MTMR12: variants seen among roughly 807,000 people sequenced by gnomAD.
MTMR12 encodes the protein myotubularin-related protein 12.
A neutral mutation model predicts 96.7 loss-of-function variants in MTMR12; 33 were observed. That is an observed-to-expected ratio of 0.34 (90% confidence interval 0.26 to 0.46). The LOEUF is 0.46. Among genes scored for constraint, MTMR12 ranks in the 20% least tolerant of loss-of-function variants. The probability of loss-of-function intolerance (pLI) is 1.00; values close to 1 mark genes in which losing one functional copy is unlikely to be tolerated. For missense variants in MTMR12, 721 were observed against 896.1 expected (o/e 0.80, Z 2.49); for synonymous variants, 298 against 327.2 (o/e 0.91, Z 0.96).
chr5:32,261,156 C>T (rs1749348403), intron 7 of MTMR12, among the ~76,000 whole-genome samples: 1 of 151,660 alleles, frequency 6.6e-6, no homozygotes, highest in African/African-American at 2.4e-5. Context: ...TCACTTGAAC[C>T]CAGGAGGCAG....
At chr5:32,241,893 CTG>C (rs1265649618) in intron 12 of MTMR12, among the ~76,000 whole-genome samples, 162 bp downstream of exon 12, 1 of 152,154 alleles carries the variant, frequency 6.6e-6, no homozygotes, top group East Asian at 1.9e-4. Context: ...AACTCTAACA[CTG>C]AAATCCAAGG....
chr5:32,261,241 A>C (rs1749351514), intron 7 of MTMR12, among the ~76,000 whole-genome samples: 1 of 152,054 alleles, frequency 6.6e-6, no homozygotes. Flanking sequence ...TCAAAAAAAC[A>C]TGTAGGTCAG....
chr5:32,282,173 G>C (rs1053660910), intron 1 of MTMR12, among the ~76,000 whole-genome samples: 2 of 152,072 alleles, frequency 1.3e-5, no homozygotes, highest in African/African-American at 4.8e-5. Flanking sequence ...ACGAGGTCAG[G>C]AGATCGAGAT....
intron 1 of MTMR12, among the ~76,000 whole-genome samples, chr5:32,287,353 G>A (rs1750575570): frequency 6.6e-6 from 1 of 152,164 alleles, no homozygotes; most frequent in Non-Finnish European, 1.5e-5. Context: ...GAAAAGGTGA[G>A]ACTGGCCTAG....
chr5:32,284,698 C>A (rs975968297), intron 1 of MTMR12, among the ~76,000 whole-genome samples: 5 of 152,106 alleles, frequency 3.3e-5, no homozygotes, highest in Non-Finnish European at 1.5e-5. Flanking sequence ...ATGTTGACAA[C>A]CTTACTTCTG....
At chr5:32,310,906 C>T (rs1271008425) in intron 1 of MTMR12, among the ~76,000 whole-genome samples, 2 of 150,382 alleles carry the variant, frequency 1.3e-5, no homozygotes, top group Non-Finnish European at 2.9e-5. Context: ...TGGAGTCTCG[C>T]TCTGTCGCCC....
At chr5:32,281,254 AAAAAAAAAAAC>A (rs1309343050) in intron 1 of MTMR12, among the ~76,000 whole-genome samples, 4 of 150,080 alleles carry the variant, frequency 2.7e-5, no homozygotes, top group East Asian at 2.0e-4. Context: ...TCATTAAAAA[AAAAAAAAAAAC>A]AAAAAAAACT....
intron 1 of MTMR12, among the ~76,000 whole-genome samples, chr5:32,291,947 T>C (rs952508437): frequency 2.0e-5 from 3 of 152,174 alleles, no homozygotes; most frequent in African/African-American, 4.8e-5. Flanking sequence ...CTGCACACAA[T>C]GCTTCTGCCA....
chr5:32,251,893 G>A (rs958200965), intron 8 of MTMR12, among the ~76,000 whole-genome samples: 8 of 152,064 alleles, frequency 5.3e-5, no homozygotes, highest in African/African-American at 1.9e-4. Flanking sequence ...GGATCCCACT[G>A]GACTAGGGAA....
chr5:32,289,274 A>C (rs1313451161), intron 1 of MTMR12, among the ~76,000 whole-genome samples: 1 of 152,192 alleles, frequency 6.6e-6, no homozygotes, highest in Non-Finnish European at 1.5e-5. Context: ...TATAAACAGA[A>C]AACTTCCAGG....
intron 1 of MTMR12, among the ~76,000 whole-genome samples, chr5:32,280,154 G>A (rs1246150923): frequency 6.6e-6 from 1 of 152,144 alleles, no homozygotes; most frequent in Non-Finnish European, 1.5e-5. Flanking sequence ...GATGATCCTG[G>A]GGCACCTTAG....
At position 32,242,124 on chromosome 5, in the gene MTMR12, A is replaced by G; in HGVS notation, c.1104T>C (p.Arg368=). 2 of 1,610,850 alleles carry G rather than the reference A, an allele frequency of 1.2e-6. No individual in the cohort carries two copies. Among genetic ancestry groups the G allele is most frequent in the Non-Finnish European group, 1.7e-6 (2 of 1,177,498 alleles). The change falls in exon 12 of 16, where the codon CGT becomes CGC. Residue 368 remains arginine, a synonymous_variant. Transcript: ENST00000382142. ...ESSSWLDIIR[R]CLKKAIEITE... is the part of the protein sequence containing the mutation. The stretch of plus-strand genomic sequence containing the variant: ...TAATCTCTATTGCTTTTTTCAGGCA[A>G]CGTCTGAATAGGAAAGAGACAAGAA...
intron 8 of MTMR12, among the ~76,000 whole-genome samples, chr5:32,249,246 T>C (rs1241889811): frequency 6.6e-6 from 1 of 152,212 alleles, no homozygotes; most frequent in Non-Finnish European, 1.5e-5. Flanking sequence ...TTAATTGTTA[T>C]GGTAACTCTC....
chr5:32,280,610 T>C (rs1750254241), intron 1 of MTMR12, among the ~76,000 whole-genome samples: 1 of 152,222 alleles, frequency 6.6e-6, no homozygotes, highest in Non-Finnish European at 1.5e-5. Context: ...ATAGTACTAA[T>C]AATTTAAGTT....
At chr5:32,239,288 T>A in intron 12 of MTMR12, 115 bp from the exon 13 acceptor site, 1 of 1,079,974 alleles carries the variant, frequency 9.3e-7, no homozygotes. Context: ...CAAGGTCTAC[T>A]ATTAACAGTC....
chr5:32,248,080 C>T lies in MTMR12; in HGVS notation c.943G>A (p.Glu315Lys). ...GACAGGAAGTTGCTTGACAGGTCTT[C>T]CGTTTTAACAATTTCATAGGGTGGC... ...HRPPYEIVKT[E>K]DLSSNFLSLQ... The change falls in exon 10 of 16, where the codon GAA becomes AAA. Residue 315 changes from glutamate (E) to lysine (K), a missense_variant. Physicochemically the swap from Glu to Lys is moderately conservative, Grantham distance 56. Transcript: ENST00000382142. 1 of 1,614,012 alleles carries T rather than the reference C, an allele frequency of 6.2e-7. No homozygotes were observed.
chr5:32,264,926 A>G lies in MTMR12; in HGVS notation c.584-1684T>C, dbSNP rs550581644. On this transcript the variant is annotated intron_variant, in intron 6 of 15. Coordinates refer to ENST00000382142, the MANE Select transcript of MTMR12 (RefSeq NM_001040446.3). ...TGGGATTCAAACCCAGGAAACTATAAAAGAAATTTCCATAAAGTTCTAATC... is the reference window on the plus strand; with the variant it reads ...TGGGATTCAAACCCAGGAAACTATAGAAGAAATTTCCATAAAGTTCTAATC... 4.6e-5 allele frequency among the ~76,000 whole-genome samples: 7 copies of G among 152,268 alleles called. No homozygotes were observed. In the South Asian group the frequency reaches 1.2e-3, roughly 27 times the overall value.
At chr5:32,273,890 G>A in intron 3 of MTMR12, 90 bp downstream of exon 3, 2 of 1,548,838 alleles carry the variant, frequency 1.3e-6, no homozygotes, top group Admixed American at 1.7e-5. Context: ...GTGTTAGGGG[G>A]TAGAGTAACT....
chr5:32,243,484 T>C (rs747834844), intron 11 of MTMR12, 37 bp downstream of exon 11: 2 of 1,460,980 alleles, frequency 1.4e-6, no homozygotes, highest in Admixed American at 1.7e-5. Flanking sequence ...AGTTATACAA[T>C]TACAAAATTC....
Sources: gnomAD v4.1 joint callset for allele counts (sites outside exome capture counted in the v4.1 genomes callset) on GRCh38, gnomAD v4.1.1 for gene constraint, MANE v1.5 for transcripts, NCBI Gene and HGNC (gene_info 2026-07-23, HGNC 2026-07-21) for gene names.